APOB: variants seen among roughly 807,000 people sequenced by gnomAD.
The protein encoded by APOB is apolipoprotein B.
Under a neutral mutation model 314.1 loss-of-function variants are expected in APOB, and 153 were observed. The ratio of observed to expected loss-of-function variants is 0.49; its 90% CI spans 0.43 to 0.56. The LOEUF (loss-of-function observed/expected upper bound fraction) is 0.56. APOB is among the 20% of genes least tolerant of loss of function. The pLI is 0.00. For synonymous variants in APOB, 2,087 were observed against 2,036.4 expected (o/e 1.02, Z -0.67); for missense variants, 5,430 against 5,350.7 (o/e 1.01, Z -0.46).
In APOB at chr2:21,002,464, T is replaced by C. The variant is rs1326518922; in HGVS notation, c.12958A>G (p.Met4320Val). The C allele has an allele frequency of 5.0e-6, 8 of 1,607,040 alleles. No homozygotes were observed. The highest frequency in any genetic ancestry group is 6.8e-6 in the Non-Finnish European group (8 of 1,175,598). ...TAATTAATAAGATAAGTAAATTTCATCTCTTTCAGCTGTTTAATGTTATCT... is the reference window on the plus strand; with the variant it reads ...TAATTAATAAGATAAGTAAATTTCACCTCTTTCAGCTGTTTAATGTTATCT... ...IEDNIKQLKE[M>V]KFTYLINYIQ... Residue 4320 changes from methionine to valine, a missense_variant, in exon 29 of 29, where the codon ATG becomes GTG. Physicochemically the swap from Met to Val is conservative, Grantham distance 21 (BLOSUM62 1). Around this residue, in one of 3 missense-constraint regions of APOB, gnomAD observed 3,281 missense variants for 3,171.0 expected, o/e 1.03. Coordinates refer to ENST00000233242, the MANE Select transcript of APOB (RefSeq NM_000384.3).
chr2:21,032,325 A>AT (rs1376162233), intron 10 of APOB, 29 bp downstream of exon 10: 6 of 1,592,178 alleles, frequency 3.8e-6, no homozygotes, highest in Non-Finnish European at 5.1e-6. Context: ...CTCTGCTCCT[A>AT]GGAGGAGAAA....
In APOB at chr2:21,035,697, C is replaced by A; in HGVS notation, c.705G>T (p.Leu235Phe). The A allele has an allele frequency of 6.2e-7, 1 of 1,614,080 alleles. No homozygotes were observed. Among genetic ancestry groups the A allele is most frequent in the South Asian group, 1.1e-5 (1 of 91,072 alleles). ...LALIKGMTRP[L>F]STLISSSQSC... The stretch of plus-strand genomic sequence containing the variant: ...ACTGGCTGCTGCTGATCAGAGTTGA[C>A]AAGGGGCGGGTCTATGAAAGAGATT... The change falls in exon 7 of 29, where the codon TTG (leucine) becomes TTT (phenylalanine). Residue 235 changes from leucine (L) to phenylalanine (F), a missense_variant. By Grantham distance (22) the Leu-to-Phe change is conservative. Coordinates refer to ENST00000233242, the MANE Select transcript of APOB (RefSeq NM_000384.3).
Position 21,001,609 on chromosome 2 carries a change from A to G in APOB, c.*121T>C. The G allele has an allele frequency of 1.1e-6, 1 of 933,346 alleles. No homozygotes were observed. The highest frequency in any genetic ancestry group is 1.7e-6 in the Non-Finnish European group (1 of 604,532). 57.8% of individuals were successfully genotyped at this position (933,346 alleles called of 1,614,324 possible). On this transcript the variant is annotated 3_prime_UTR_variant, in exon 29 of 29. Transcript: ENST00000233242. ...TCATATGTGCTTCTGCTTATAGTCTACTGCCTACTGCAAGGCTGGCTCACT... is the reference window on the plus strand; with the variant it reads ...TCATATGTGCTTCTGCTTATAGTCTGCTGCCTACTGCAAGGCTGGCTCACT...
At chr2:21,036,993 G>A in intron 6 of APOB, 107 bp downstream of exon 6, 1 of 1,413,854 alleles carries the variant, frequency 7.1e-7, no homozygotes, top group Non-Finnish European at 9.8e-7. Context: ...ATAAAAAACA[G>A]CCAGGGCAGG....
Position 21,024,924 on chromosome 2 carries a change from C to T in APOB, c.2436+9G>A. 1 of 1,613,934 alleles carries T rather than the reference C, an allele frequency of 6.2e-7. No homozygotes were observed. Among genetic ancestry groups the T allele is most frequent in the Non-Finnish European group, 8.5e-7 (1 of 1,179,960 alleles). On this transcript the variant is annotated intron_variant, in intron 16 of 28. Coordinates refer to ENST00000233242, the MANE Select transcript of APOB (RefSeq NM_000384.3). Reference sequence around the variant, plus strand: ...TCTCATGGGCCCCCAGTGGGGCCTGCTGACTTACCATCTGGGGGATCCCCT... The same window carrying T: ...TCTCATGGGCCCCCAGTGGGGCCTGTTGACTTACCATCTGGGGGATCCCCT...
Position 21,012,229 on chromosome 2 carries a change from T to C in APOB, c.4639A>G (p.Thr1547Ala). ...ATGATGCCACTTTGCAGATCAGAGG[T>C]GGAGGTGAGGGAGAGGGTTCCATCT... ...YEDGTLSLTS[T>A]SDLQSGIIKN... Residue 1547 changes from threonine (T) to alanine (A), a missense_variant, in exon 26 of 29, where the codon ACC becomes GCC. Physicochemically the swap from Thr to Ala is moderately conservative, Grantham distance 58. Transcript: ENST00000233242. 1 of 1,609,408 alleles carries C rather than the reference T, an allele frequency of 6.2e-7. No homozygotes were observed. Among genetic ancestry groups the C allele is most frequent in the Non-Finnish European group, 8.5e-7 (1 of 1,176,776 alleles).
chr2:21,039,890 A>G (rs1056050665), intron 4 of APOB, among the ~76,000 whole-genome samples: 1 of 152,230 alleles, frequency 6.6e-6, no homozygotes, highest in African/African-American at 2.4e-5. Flanking sequence ...TTTTGGCAAG[A>G]AAGGACTGGC....
intron 20 of APOB, among the ~76,000 whole-genome samples, chr2:21,017,543 G>A (rs1663509123): frequency 6.6e-6 from 1 of 152,162 alleles, no homozygotes; most frequent in Admixed American, 6.5e-5. Context: ...CAGGCAGAAG[G>A]TCAGGAATGC....
Position 21,007,587 on chromosome 2 carries a change from T to G in APOB, c.9281A>C (p.Asn3094Thr). The G allele has an allele frequency of 6.2e-7, 1 of 1,614,086 alleles. No individual in the cohort carries two copies. Among genetic ancestry groups the G allele is most frequent in the Non-Finnish European group, 8.5e-7 (1 of 1,179,944 alleles). The part of the protein sequence containing the change: ...QASWQVSARF[N>T]QYKYNQNFSA... The stretch of plus-strand genomic sequence containing the variant: ...GAAATTTTGGTTGTACTTATACTGA[T>G]TGAACCTAGCACTTACTTGCCAACT... The change falls in exon 26 of 29, where the codon AAT (asparagine) becomes ACT (threonine). Residue 3094 changes from asparagine to threonine, a missense_variant. Transcript: ENST00000233242.
chr2:21,018,157 A>C (rs1663521697), intron 20 of APOB, among the ~76,000 whole-genome samples: 1 of 152,192 alleles, frequency 6.6e-6, no homozygotes. Context: ...CTAATCTTCA[A>C]AATATGGCCA....
At position 21,043,917 on chromosome 2, in the gene APOB, G is replaced by T. The variant is rs910952630; in HGVS notation, c.29C>A (p.Ala10Glu). MDPPRPALL[A>E]LLALPALLLL... ...CAGCAGCGCAGGCAGCGCCAGCAGC[G>T]CCAGCAGCGCGGGCCTCGGCGGGTC... Residue 10 changes from alanine (A) to glutamate (E), a missense_variant, in exon 1 of 29, where the codon GCG becomes GAG. Around this residue, in one of 3 missense-constraint regions of APOB, gnomAD observed 2,085 missense variants for 2,079.7 expected, o/e 1.00. Coordinates refer to ENST00000233242, the MANE Select transcript of APOB (RefSeq NM_000384.3). The T allele has an allele frequency of 2.1e-6, 3 of 1,411,786 alleles. No homozygotes were observed. Among genetic ancestry groups the T allele is most frequent in the South Asian group, 1.5e-5 (1 of 68,446 alleles). The allele number at this position is 1,411,786 out of a possible 1,614,324, so 87.5% of individuals were successfully genotyped here.
rs1663967898 is a variant in APOB, at chr2:21,035,046, T to A, written c.819-145A>T. The A allele has an allele frequency of 4.1e-6, 3 of 737,538 alleles. No homozygotes were observed. In the South Asian group the frequency reaches 4.2e-5, roughly 10 times the overall value. 45.7% of individuals were successfully genotyped at this position (737,538 alleles called of 1,614,324 possible). ...AAATCCAGCCATTGTTGGCCCTGAATGAATAACATCCACCTCTTCCTGGTC... is the reference window on the plus strand; with the variant it reads ...AAATCCAGCCATTGTTGGCCCTGAAAGAATAACATCCACCTCTTCCTGGTC... On this transcript the variant is annotated intron_variant, in intron 7 of 28. Coordinates refer to ENST00000233242, the MANE Select transcript of APOB (RefSeq NM_000384.3).
intron 28 of APOB, among the ~76,000 whole-genome samples, chr2:21,003,562 CT>C (rs1337394654): frequency 1.3e-5 from 2 of 152,100 alleles, no homozygotes; most frequent in African/African-American, 4.8e-5. Flanking sequence ...AACAAAAACG[CT>C]TGCTGTTTGT....
At chr2:21,039,385 A>G (rs767360422) in intron 4 of APOB, among the ~76,000 whole-genome samples, 2 of 152,206 alleles carry the variant, frequency 1.3e-5, no homozygotes, top group Non-Finnish European at 2.9e-5. Context: ...ATTCTTTTGT[A>G]TGGTGTCAGG....
chr2:21,001,628 G>A lies in APOB; in HGVS notation c.*102C>T. 1.7e-6 allele frequency: 2 copies of A among 1,174,656 alleles called. No homozygotes were observed. Among genetic ancestry groups the A allele is most frequent in the South Asian group, 1.3e-5 (1 of 75,036 alleles). 72.8% of individuals were successfully genotyped at this position (1,174,656 alleles called of 1,614,324 possible). A position where few individuals can be genotyped will look rare whatever the true frequency, so the allele number is the denominator to read the frequency against. ...TAGTCTACTGCCTACTGCAAGGCTG[G>A]CTCACTGTATGGTTTTATCAATATA... On this transcript the variant is annotated 3_prime_UTR_variant, in exon 29 of 29. Coordinates refer to ENST00000233242, the MANE Select transcript of APOB (RefSeq NM_000384.3).
intron 22 of APOB, 30 bp downstream of exon 22, chr2:21,015,340 A>G: frequency 6.2e-7 from 1 of 1,614,002 alleles, no homozygotes; most frequent in Non-Finnish European, 8.5e-7. Flanking sequence ...ATTACTTTGG[A>G]AGTGCTCACA....
rs1438119530 is a variant in APOB, at chr2:21,008,785, C to A, written c.8083G>T (p.Asp2695Tyr). The A allele has an allele frequency of 2.5e-6, 4 of 1,613,930 alleles. No individual in the cohort carries two copies. Among genetic ancestry groups the A allele is most frequent in the East Asian group, 4.5e-5 (2 of 44,896 alleles). The change falls in exon 26 of 29, where the codon GAT becomes TAT. Residue 2695 changes from aspartate to tyrosine, a missense_variant. Around this residue, in one of 3 missense-constraint regions of APOB, gnomAD observed 3,281 missense variants for 3,171.0 expected, o/e 1.03. Coordinates refer to ENST00000233242, the MANE Select transcript of APOB (RefSeq NM_000384.3). The part of the protein sequence containing the change: ...QWPVPDIYLR[D>Y]LKVEDIPLAR... ...AGAGGAATGTCCTCCACCTTCAGAT[C>A]CCTGAGATATATATCTGGAACGGGC...
At position 21,032,372 on chromosome 2, in the gene APOB, A is replaced by G. The variant is rs2103379310; in HGVS notation, c.1334T>C (p.Leu445Pro). The G allele has an allele frequency of 6.2e-7, 1 of 1,613,656 alleles. No homozygotes were observed. Among genetic ancestry groups the G allele is most frequent in the South Asian group, 1.1e-5 (1 of 91,080 alleles). ...DQRSRATLYA[L>P]SHAVNNYHKT... Reference sequence around the variant, plus strand: ...AACTCACTTGTTGACCGCGTGGCTCAGCGCATACAAGGTGGCTCGGCTGCG... The same window carrying G: ...AACTCACTTGTTGACCGCGTGGCTCGGCGCATACAAGGTGGCTCGGCTGCG... Residue 445 changes from leucine to proline, a missense_variant, in exon 10 of 29, where the codon CTG becomes CCG. Leu to Pro is a moderately conservative substitution (Grantham distance 98, BLOSUM62 -3). Around this residue, in one of 3 missense-constraint regions of APOB, gnomAD observed 2,085 missense variants for 2,079.7 expected, o/e 1.00. Transcript: ENST00000233242.
intron 15 of APOB, among the ~76,000 whole-genome samples, chr2:21,026,448 G>T (rs1188481720): frequency 1.3e-5 from 2 of 151,968 alleles, no homozygotes; most frequent in East Asian, 1.9e-4. Context: ...CGGGGTTTCA[G>T]TATGTTGGCC....
Sources: allele counts gnomAD v4.1 joint callset (sites outside exome capture counted in the v4.1 genomes callset), GRCh38; gene constraint gnomAD v4.1.1; regional missense constraint gnomAD v4.1.1; transcripts MANE v1.5; gene names NCBI Gene and HGNC (gene_info 2026-07-23, HGNC 2026-07-21).